Variants in SZRD1 observed in about 807,000 individuals in gnomAD.
The protein encoded by SZRD1 is SUZ RNA-binding domain-containing.
SZRD1 carries 7 observed loss-of-function variants against 17.6 expected under a neutral mutation model. The ratio of observed to expected loss-of-function variants is 0.40; its 90% CI spans 0.23 to 0.75. SZRD1 has a LOEUF of 0.75. Ranked by LOEUF, SZRD1 falls within the 30% of genes least tolerant of loss-of-function variation. SZRD1 has a pLI of 0.38. For synonymous variants in SZRD1, 77 were observed against 77.9 expected, an observed-to-expected ratio of 0.99 and a Z score of 0.06; for missense variants, 178 against 201.8, an observed-to-expected ratio of 0.88 and a Z score of 0.71.
intron 1 of SZRD1, among the ~76,000 whole-genome samples, chr1:16,382,050 A>G (rs890959896): frequency 2.0e-5 from 3 of 152,228 alleles, no homozygotes; most frequent in Non-Finnish European, 2.9e-5. Context: ...TGTGGTGGCC[A>G]TGCTTGATAG....
intron 1 of SZRD1, among the ~76,000 whole-genome samples, chr1:16,378,271 CT>C (rs2083035930): frequency 6.7e-6 from 1 of 148,860 alleles, no homozygotes; most frequent in South Asian, 2.1e-4. Flanking sequence ...AGAATTATTT[CT>C]GTTTGGCAAC....
chr1:16,386,566 A>G (rs1293679278), intron 1 of SZRD1, among the ~76,000 whole-genome samples: 5 of 152,234 alleles, frequency 3.3e-5, no homozygotes, highest in Non-Finnish European at 7.4e-5. Context: ...AAGAGAATAG[A>G]CTGACTCATG....
intron 1 of SZRD1, among the ~76,000 whole-genome samples, chr1:16,388,914 T>C (rs1303249287): frequency 1.3e-5 from 2 of 150,924 alleles, no homozygotes; most frequent in Admixed American, 6.6e-5. Context: ...TCCCAAAATG[T>C]TGGGATTACA....
chr1:16,376,818 A>C lies in SZRD1; in HGVS notation c.51+9510A>C, dbSNP rs191019529. ...GAGACTCTGTCTCAAAAAAAAAAAAAAAAAAACGTTGCTCAGGATTTTTAA... is the reference window on the plus strand; with the variant it reads ...GAGACTCTGTCTCAAAAAAAAAAAACAAAAAACGTTGCTCAGGATTTTTAA... On this transcript the variant is annotated intron_variant, in intron 1 of 3. Transcript: ENST00000401088. 3.7e-3 allele frequency among the ~76,000 whole-genome samples: 565 copies of C among 150,898 alleles called. 2 individuals are homozygous for C. The highest frequency in any genetic ancestry group is 4.8e-3 in the Non-Finnish European group (323 of 67,848).
intron 1 of SZRD1, among the ~76,000 whole-genome samples, chr1:16,379,621 G>A (rs895479325): frequency 6.6e-6 from 1 of 152,132 alleles, no homozygotes; most frequent in Non-Finnish European, 1.5e-5. Flanking sequence ...TTGTCAACTG[G>A]ATCCAGATAG....
At chr1:16,378,843 GAGCC>G (rs750922665) in intron 1 of SZRD1, among the ~76,000 whole-genome samples, 31 of 149,498 alleles carry the variant, frequency 2.1e-4, no homozygotes, top group Admixed American at 4.7e-4. Flanking sequence ...TCTCCTGCCT[GAGCC>G]TCCCGAGTAG....
Position 16,391,389 on chromosome 1 carries a change from G to T in SZRD1, c.66G>T (p.Arg22=). 6.5e-7 allele frequency: 1 copy of T among 1,548,424 alleles called. No homozygotes were observed. Among genetic ancestry groups the T allele is most frequent in the South Asian group, 1.2e-5 (1 of 83,926 alleles). The part of the protein sequence containing the change: ...EAADSGEIDR[R]LEKKLKITQK... The stretch of plus-strand genomic sequence containing the variant: ...TTTTCCTCTAGGAAATAGACAGACG[G>T]TTGGAAAAAAAACTGAAGATCACAC... Residue 22 remains arginine, a synonymous_variant, in exon 2 of 4, where the codon CGG becomes CGT. Transcript: ENST00000401088. The surrounding 1 kb of genome is among the most constrained non-coding windows in gnomAD (Gnocchi z 4.3).
chr1:16,368,802 A>T (rs2082864215), intron 1 of SZRD1, among the ~76,000 whole-genome samples: 1 of 152,198 alleles, frequency 6.6e-6, no homozygotes, highest in Non-Finnish European at 1.5e-5. Context: ...AGCTTGGCTT[A>T]CAACTTTAAT....
intron 1 of SZRD1, among the ~76,000 whole-genome samples, chr1:16,385,014 A>T (rs116929161): frequency 6.6e-6 from 1 of 152,338 alleles, no homozygotes; most frequent in East Asian, 1.9e-4. Flanking sequence ...TAACAGAGAA[A>T]GGCAAATCAT....
chr1:16,392,884 A>G (rs57504981), intron 2 of SZRD1, among the ~76,000 whole-genome samples: 4,106 of 152,278 alleles, frequency 0.027, 182 homozygotes, highest in African/African-American at 0.092. Context: ...GACGTCATTC[A>G]ATTCTGGACA....
chr1:16,382,704 A>C (rs951493761), intron 1 of SZRD1, among the ~76,000 whole-genome samples: 1 of 151,880 alleles, frequency 6.6e-6, no homozygotes, highest in Non-Finnish European at 1.5e-5. Context: ...CATGTTGGCT[A>C]TGCTGGTCTT....
At chr1:16,389,161 G>A (rs1242313535) in intron 1 of SZRD1, among the ~76,000 whole-genome samples, 1 of 140,340 alleles carries the variant, frequency 7.1e-6, no homozygotes, top group East Asian at 2.1e-4. Flanking sequence ...TCAGCTCACT[G>A]CAAGCTCCAC....
intron 1 of SZRD1, among the ~76,000 whole-genome samples, chr1:16,374,900 C>T (rs997818623): frequency 3.0e-4 from 46 of 152,078 alleles, no homozygotes; most frequent in Admixed American, 2.8e-3. Flanking sequence ...TTTTTTGAGA[C>T]GGAGTCTAGC....
rs1210860681 is a variant in SZRD1, at chr1:16,393,181, C to G, written c.102-47C>G. On this transcript the variant is annotated intron_variant, in intron 2 of 3. Coordinates refer to ENST00000401088, the MANE Select transcript of SZRD1 (RefSeq NM_001114600.3). This position sits in a 1 kb window ranked among gnomAD's most constrained non-coding sequence, Gnocchi z 5.6. ...TGGGTGTGGGACATGGACAGGGCCT[C>G]CTTAGTCAGGAGCATGATTTGTGAA... 1 of 1,601,726 alleles carries G rather than the reference C, an allele frequency of 6.2e-7. No individual in the cohort carries two copies. The highest frequency in any genetic ancestry group is 8.5e-7 in the Non-Finnish European group (1 of 1,171,886).
chr1:16,373,013 G>A (rs2082939479), intron 1 of SZRD1, among the ~76,000 whole-genome samples: 1 of 151,810 alleles, frequency 6.6e-6, no homozygotes, highest in African/African-American at 2.4e-5. Context: ...CAGGTAGAGT[G>A]TAGGGCCAAA....
Position 16,393,334 on chromosome 1 carries a change from G to A in SZRD1, c.208G>A (p.Gly70Ser). Residue 70 changes from glycine to serine, a missense_variant, in exon 3 of 4, where the codon GGT becomes AGT. This residue lies in a region of SZRD1 where 117 missense variants were observed against 108.7 expected (regional missense o/e 1.08). Transcript: ENST00000401088. This position sits in a 1 kb window ranked among gnomAD's most constrained non-coding sequence, Gnocchi z 5.6. Reference sequence around the variant, plus strand: ...CATCCTCAAGAGGCCCACCAGCAACGGTGTGGTCAGCAGCCCCAACTCCAC... The same window carrying A: ...CATCCTCAAGAGGCCCACCAGCAACAGTGTGGTCAGCAGCCCCAACTCCAC... ...IRILKRPTSNGVVSSPNSTSR... is the reference protein window; with the variant it reads ...IRILKRPTSNSVVSSPNSTSR... 6 of 1,614,202 alleles carry A rather than the reference G, an allele frequency of 3.7e-6. No homozygotes were observed. In the South Asian group the frequency reaches 5.5e-5, roughly 15 times the overall value.
chr1:16,385,961 C>T (rs984897484), intron 1 of SZRD1, among the ~76,000 whole-genome samples: 5 of 152,178 alleles, frequency 3.3e-5, no homozygotes, highest in East Asian at 1.9e-4. Flanking sequence ...TTCCTGCCTC[C>T]GCTCTTTCCT....
intron 1 of SZRD1, among the ~76,000 whole-genome samples, chr1:16,379,183 G>C (rs535188340): frequency 7.5e-4 from 113 of 151,474 alleles, no homozygotes; most frequent in African/African-American, 2.7e-3. Flanking sequence ...GCAGTGGCAC[G>C]ATCTTGGCTC....
chr1:16,379,261 A>G (rs1453979494), intron 1 of SZRD1, among the ~76,000 whole-genome samples: 4 of 151,988 alleles, frequency 2.6e-5, no homozygotes, highest in Non-Finnish European at 5.9e-5. Flanking sequence ...CTGGGACTAC[A>G]TGTGCCTGCC....
Sources: gnomAD v4.1 joint callset for allele counts (sites outside exome capture counted in the v4.1 genomes callset) on GRCh38, gnomAD v4.1.1 for gene constraint, gnomAD v4.1.1 regional missense constraint, Gnocchi (gnomAD v3.1) non-coding constraint, MANE v1.5 for transcripts, NCBI Gene and HGNC (gene_info 2026-07-23, HGNC 2026-07-21) for gene names.